EHHADH: variants seen among roughly 807,000 people sequenced by gnomAD.
EHHADH encodes the protein enoyl-CoA hydratase and 3-hydroxyacyl CoA dehydrogenase.
A neutral mutation model predicts 64.4 loss-of-function variants in EHHADH; 48 were observed. The observed-to-expected ratio is 0.75, with a 90% CI of 0.59 to 0.95. The LOEUF is 0.95. EHHADH is among the 40% of genes least tolerant of loss of function. EHHADH has a pLI of 0.00. For synonymous variants in EHHADH, 308 were observed against 326.7 expected (o/e 0.94, Z 0.62); for missense variants, 854 against 876.6 (o/e 0.97, Z 0.33).
chr3:185,223,440 CTTTTT>C (rs907811239), intron 4 of EHHADH, among the ~76,000 whole-genome samples: 1 of 150,320 alleles, frequency 6.7e-6, no homozygotes, highest in African/African-American at 2.4e-5. Context: ...GTTTATGTTT[CTTTTT>C]TTTTAAGTCA....
In EHHADH at chr3:185,192,718, TG is replaced by T. The variant is rs1217665945; in HGVS notation, c.1679del (p.Pro560GlnfsTer9). ...ARKRGNRRYC[P>X]IPDVLCELGR... is the part of the protein sequence containing the mutation. ...CTAATTCACAGAGCACATCAGGAAT[TG>T]GGCAGTACCTCCTATTACCCCTTTT... On this transcript the variant is annotated frameshift_variant, in exon 7 of 7. Coordinates refer to ENST00000231887, the MANE Select transcript of EHHADH (RefSeq NM_001966.4). LOFTEE classifies it high-confidence loss of function. 20 of 1,614,180 alleles carry T rather than the reference TG, an allele frequency of 1.2e-5. No individual in the cohort carries two copies. Among genetic ancestry groups the T allele is most frequent in the Non-Finnish European group, 1.5e-5 (18 of 1,180,020 alleles).
At position 185,253,932 on chromosome 3, in the gene EHHADH, G is replaced by A; in HGVS notation, c.74+17C>T. 6.2e-7 allele frequency: 1 copy of A among 1,613,972 alleles called. No homozygotes were observed. Among genetic ancestry groups the A allele is most frequent in the Middle Eastern group, 1.7e-4 (1 of 6,052 alleles). Reference sequence around the variant, plus strand: ...GGCCCGCACGGTCCCCGGGCTGGAGGCGACCGAGCCCGTTACCTGATCGCG... The same window carrying A: ...GGCCCGCACGGTCCCCGGGCTGGAGACGACCGAGCCCGTTACCTGATCGCG... On this transcript the variant is annotated intron_variant, in intron 1 of 6. Transcript: ENST00000231887.
rs778934480 is a variant in EHHADH at position 185,192,803 on chromosome 3, T to C, written c.1595A>G (p.Lys532Arg). Residue 532 changes from lysine (K) to arginine (R), a missense_variant, in exon 7 of 7, where the codon AAA (lysine) becomes AGA (arginine). By Grantham distance (26) the Lys-to-Arg change is conservative. Coordinates refer to ENST00000231887, the MANE Select transcript of EHHADH (RefSeq NM_001966.4). Reference sequence around the variant, plus strand: ...AGTAAGACCTTGCCCCTTTCTAGATTTCCAGCCCACATCCAACCCAGCAAG... The same window carrying C: ...AGTAAGACCTTGCCCCTTTCTAGATCTCCAGCCCACATCCAACCCAGCAAG... ...SDLAGLDVGW[K>R]SRKGQGLTGP... 2 of 1,614,008 alleles carry C rather than the reference T, an allele frequency of 1.2e-6. No homozygotes were observed. Among genetic ancestry groups the C allele is most frequent in the African/African-American group, 1.3e-5 (1 of 74,910 alleles).
intron 6 of EHHADH, among the ~76,000 whole-genome samples, chr3:185,201,494 G>T (rs1374022988): frequency 6.6e-6 from 1 of 152,184 alleles, no homozygotes; most frequent in East Asian, 1.9e-4. Context: ...TCCCTGGAGA[G>T]GGCAGCAGAT....
At position 185,216,091 on chromosome 3, in the gene EHHADH, G is replaced by A. The variant is rs531007454; in HGVS notation, c.568+2045C>T. 2.6e-4 allele frequency among the ~76,000 whole-genome samples: 39 copies of A among 152,234 alleles called. No individual in the cohort carries two copies. Among genetic ancestry groups the A allele is most frequent in the African/African-American group, 8.4e-4 (35 of 41,542 alleles). ...CCAAGTGGACAAACTGTATAATGTC[G>A]TTGAGATGAAACACTATTTTGTAAG... On this transcript the variant is annotated intron_variant, in intron 5 of 6. Transcript: ENST00000231887. This position sits in a 1 kb window ranked among gnomAD's most constrained non-coding sequence, Gnocchi z 5.3.
chr3:185,226,914 T>C (rs1718994023), intron 4 of EHHADH: 2 of 152,224 alleles, frequency 1.3e-5, no homozygotes, highest in Admixed American at 1.3e-4. Flanking sequence ...TGATTATTGT[T>C]GTGATTATTG....
intron 3 of EHHADH, among the ~76,000 whole-genome samples, chr3:185,232,897 G>C (rs1719174356): frequency 6.6e-6 from 1 of 152,246 alleles, no homozygotes; most frequent in Admixed American, 6.5e-5. Flanking sequence ...ACTATCTTTT[G>C]AAAATGAAGG....
chr3:185,232,147 T>C (rs180918645), intron 3 of EHHADH, among the ~76,000 whole-genome samples: 145 of 152,264 alleles, frequency 9.5e-4, no homozygotes, highest in African/African-American at 2.9e-3. Flanking sequence ...TTTACCCAGA[T>C]CGTGATTCTA....
intron 5 of EHHADH, among the ~76,000 whole-genome samples, chr3:185,211,676 C>T (rs1577360476): frequency 6.6e-6 from 1 of 152,314 alleles, no homozygotes; most frequent in East Asian, 1.9e-4. Flanking sequence ...ACCCACAGAA[C>T]TTGTCTAGCA....
rs144866195 is a variant in EHHADH at position 185,246,109 on chromosome 3, G to C, written c.178+2305C>G. 6.1e-4 allele frequency: 769 copies of C among 1,252,890 alleles called. 6 individuals carry two copies. The African/African-American group carries it at 0.01, about 16-fold the overall frequency. The allele number at this position is 1,252,890 out of a possible 1,614,324, so 77.6% of individuals were successfully genotyped here. A position where few individuals can be genotyped will look rare whatever the true frequency, so the allele number is the denominator to read the frequency against. On this transcript the variant is annotated intron_variant, in intron 2 of 6. Transcript: ENST00000231887. ...AAGCATAATGTCAAGGTCATCCTCTGGTTCAGCTGGTTCTTGAACATCACT... is the reference window on the plus strand; with the variant it reads ...AAGCATAATGTCAAGGTCATCCTCTCGTTCAGCTGGTTCTTGAACATCACT...
In EHHADH at chr3:185,191,915, T is replaced by C. The variant is rs1717880921; in HGVS notation, c.*311A>G. The C allele has an allele frequency of 3.0e-6, 1 of 337,780 alleles. No homozygotes were observed. Among genetic ancestry groups the C allele is most frequent in the Admixed American group, 4.5e-5 (1 of 22,220 alleles). 20.9% of individuals were successfully genotyped at this position (337,780 alleles called of 1,614,324 possible). A position where few individuals can be genotyped will look rare whatever the true frequency, so the allele number is the denominator to read the frequency against. ...GCTGCATTTATCATTTATTAATTGA[T>C]GACACATTTATCCAATGATAAAAGC... is the stretch of plus-strand genomic sequence containing the variant. On this transcript the variant is annotated 3_prime_UTR_variant, in exon 7 of 7. Transcript: ENST00000231887.
At chr3:185,235,181 A>G (rs1167525326) in intron 3 of EHHADH, 109 bp downstream of exon 3, 70 of 1,190,976 alleles carry the variant, frequency 5.9e-5, no homozygotes, top group Non-Finnish European at 7.4e-5. Flanking sequence ...CTCCATCTCA[A>G]AAAAACAAAT....
chr3:185,238,699 C>T (rs1456178193), intron 2 of EHHADH, among the ~76,000 whole-genome samples: 1 of 152,110 alleles, frequency 6.6e-6, no homozygotes, highest in Non-Finnish European at 1.5e-5. Context: ...AGATATTAGT[C>T]CTTTGTCGGA....
chr3:185,233,942 C>T (rs1719212430), intron 3 of EHHADH, among the ~76,000 whole-genome samples: 1 of 151,976 alleles, frequency 6.6e-6, no homozygotes, highest in South Asian at 2.1e-4. Flanking sequence ...CCATGCCCAG[C>T]CAATGTACTT....
intron 3 of EHHADH, among the ~76,000 whole-genome samples, chr3:185,234,810 T>C (rs1273495326): frequency 2.0e-5 from 3 of 152,202 alleles, no homozygotes; most frequent in African/African-American, 7.2e-5. Context: ...AGTGAAGTAT[T>C]TGAACATTTT....
Position 185,204,730 on chromosome 3 carries a change from C to A in EHHADH, c.596G>T (p.Cys199Phe), listed in dbSNP as rs1553776950. 13 of 1,612,364 alleles carry A rather than the reference C, an allele frequency of 8.1e-6. No individual in the cohort carries two copies. Among genetic ancestry groups the A allele is most frequent in the Middle Eastern group, 3.3e-4 (2 of 6,078 alleles). Residue 199 changes from cysteine to phenylalanine, a missense_variant, in exon 6 of 7, where the codon TGC becomes TTC. By Grantham distance (205) the Cys-to-Phe change is radical. Coordinates refer to ENST00000231887, the MANE Select transcript of EHHADH (RefSeq NM_001966.4). Reference sequence around the variant, plus strand: ...GGGCAAGCTCTGAATTGGCTTGTTGCAGAGTCTACGGGATTCTAGAGGTTG... The same window carrying A: ...GGGCAAGCTCTGAATTGGCTTGTTGAAGAGTCTACGGGATTCTAGAGGTTG... ...SDQPLESRRL[C>F]NKPIQSLPNM...
chr3:185,243,140 G>T (rs1430153969), intron 2 of EHHADH, among the ~76,000 whole-genome samples: 1 of 152,242 alleles, frequency 6.6e-6, no homozygotes, highest in African/African-American at 2.4e-5. Context: ...AGTTTCCCCA[G>T]TGGGGGTGTG....
chr3:185,229,544 C>A lies in EHHADH; in HGVS notation c.352-1G>T. The stretch of plus-strand genomic sequence containing the variant: ...TAACTTCTGGTAAGCCAACTTGAGC[C>A]TATCAAAGATTGAAGGCATAAAGGC... On this transcript the variant is annotated splice_acceptor_variant, in intron 3 of 6. Transcript: ENST00000231887. LOFTEE classifies it high-confidence loss of function. The A allele has an allele frequency of 6.4e-7, 1 of 1,554,162 alleles. No homozygotes were observed. Among genetic ancestry groups the A allele is most frequent in the Admixed American group, 1.8e-5 (1 of 55,774 alleles).
intron 2 of EHHADH, chr3:185,246,062 T>G: frequency 7.9e-7 from 1 of 1,265,152 alleles, no homozygotes; most frequent in Non-Finnish European, 1.2e-6. Flanking sequence ...CTTGACATTC[T>G]TCTTTTTCTT....
Sources: allele counts gnomAD v4.1 joint callset (sites outside exome capture counted in the v4.1 genomes callset), GRCh38; gene constraint gnomAD v4.1.1; non-coding constraint Gnocchi (gnomAD v3.1); transcripts MANE v1.5; gene names NCBI Gene and HGNC (gene_info 2026-07-23, HGNC 2026-07-21).